Variants in CCDC91 observed in about 807,000 individuals in gnomAD.
CCDC91 encodes coiled-coil domain containing 91.
In CCDC91, 48 loss-of-function variants were observed where a neutral mutation model predicts 63.2. The observed-to-expected ratio is 0.76, with a 90% CI of 0.60 to 0.97. The LOEUF (loss-of-function observed/expected upper bound fraction) is 0.97, where lower values mean the gene tolerates loss of function less well. Among genes scored for constraint, CCDC91 ranks in the 50% least tolerant of loss-of-function variants. The probability of loss-of-function intolerance (pLI) is 0.00; values close to 1 mark genes in which losing one functional copy is unlikely to be tolerated. For synonymous variants in CCDC91, 167 were observed against 165.8 expected (o/e 1.01, Z -0.06); for missense variants, 500 against 494.6 (o/e 1.01, Z -0.10).
chr12:28,422,602 TA>T (rs1948076956), intron 8 of CCDC91, among the ~76,000 whole-genome samples: 1 of 152,094 alleles, frequency 6.6e-6, no homozygotes, highest in Admixed American at 6.6e-5. Context: ...TGTATATAGT[TA>T]TATGTTAGCA....
chr12:28,285,097 AT>A (rs964015788), intron 3 of CCDC91, among the ~76,000 whole-genome samples: 23 of 152,096 alleles, frequency 1.5e-4, no homozygotes, highest in East Asian at 1.2e-3. Context: ...GCAATACTTG[AT>A]TTTTTTTAGA....
intron 12 of CCDC91, among the ~76,000 whole-genome samples, chr12:28,508,683 C>T (rs1939025307): frequency 6.6e-6 from 1 of 151,868 alleles, no homozygotes; most frequent in African/African-American, 2.4e-5. Context: ...TAATGAAACT[C>T]ATTCTACTGT....
At chr12:28,459,057 T>G (rs1950187792) in intron 11 of CCDC91, among the ~76,000 whole-genome samples, 2 of 152,176 alleles carry the variant, frequency 1.3e-5, no homozygotes, top group South Asian at 4.1e-4. Flanking sequence ...CTGTTTCACA[T>G]TTCATGCTTT....
chr12:28,407,750 C>A (rs1023853499), intron 8 of CCDC91, among the ~76,000 whole-genome samples: 3 of 152,020 alleles, frequency 2.0e-5, no homozygotes, highest in African/African-American at 7.2e-5. Context: ...TTATTTAGGT[C>A]TTCCTTAATT....
chr12:28,454,818 G>A (rs1253827007), intron 11 of CCDC91, among the ~76,000 whole-genome samples: 1 of 152,080 alleles, frequency 6.6e-6, no homozygotes, highest in Non-Finnish European at 1.5e-5. Context: ...TGTGGTGAGA[G>A]TTAGGTCTTG....
At chr12:28,532,455 A>G (rs1247276999) in intron 12 of CCDC91, among the ~76,000 whole-genome samples, 4 of 152,128 alleles carry the variant, frequency 2.6e-5, no homozygotes, top group Non-Finnish European at 5.9e-5. Flanking sequence ...ATATCTATAT[A>G]TATTTCAGAG....
chr12:28,507,175 G>T (rs1279150892), intron 12 of CCDC91, among the ~76,000 whole-genome samples: 1 of 151,942 alleles, frequency 6.6e-6, no homozygotes, highest in Non-Finnish European at 1.5e-5. Flanking sequence ...AAAACTTCCA[G>T]TGTTCTCCAG....
chr12:28,503,931 G>A (rs1938337783), intron 12 of CCDC91, among the ~76,000 whole-genome samples: 2 of 151,068 alleles, frequency 1.3e-5, no homozygotes, highest in Admixed American at 1.3e-4. Flanking sequence ...TCTGGGGACT[G>A]TTGTGGGGTG....
At chr12:28,509,131 C>A (rs1295002929) in intron 12 of CCDC91, among the ~76,000 whole-genome samples, 2 of 151,924 alleles carry the variant, frequency 1.3e-5, no homozygotes, top group Admixed American at 6.6e-5. Flanking sequence ...TGTGTCTTAG[C>A]ATCCTCTCAT....
At chr12:28,319,105 A>C (rs1397326373) in intron 6 of CCDC91, among the ~76,000 whole-genome samples, 2 of 152,002 alleles carry the variant, frequency 1.3e-5, no homozygotes, top group East Asian at 3.9e-4. Flanking sequence ...ATGTTTTTTA[A>C]GGTATTTAGA....
chr12:28,305,280 A>G (rs1299647315), intron 3 of CCDC91, among the ~76,000 whole-genome samples: 1 of 152,064 alleles, frequency 6.6e-6, no homozygotes, highest in African/African-American at 2.4e-5. Flanking sequence ...CTTTTTAAAA[A>G]AATTAAATGG....
intron 11 of CCDC91, among the ~76,000 whole-genome samples, chr12:28,459,859 A>G (rs1950223172): frequency 6.6e-6 from 1 of 152,166 alleles, no homozygotes. Flanking sequence ...TAAAAGACAC[A>G]TTTCCAAATC....
At chr12:28,194,568 C>T (rs1482361828) in intron 1 of CCDC91, among the ~76,000 whole-genome samples, 5 of 151,908 alleles carry the variant, frequency 3.3e-5, no homozygotes, top group African/African-American at 4.9e-5. Context: ...GTGGCGCATC[C>T]GAAATTGTTC....
At chr12:28,422,311 T>G (rs1662351296) in intron 8 of CCDC91, among the ~76,000 whole-genome samples, 1 of 152,122 alleles carries the variant, frequency 6.6e-6, no homozygotes, top group Non-Finnish European at 1.5e-5. Flanking sequence ...CATACTAATA[T>G]TTATATGGGT....
At chr12:28,438,228 G>A (rs75431547) in intron 8 of CCDC91, among the ~76,000 whole-genome samples, 1,916 of 152,108 alleles carry the variant, frequency 0.013, 48 homozygotes, top group African/African-American at 0.044. Context: ...CCATATCTCC[G>A]GTAGTAAGAG....
intron 12 of CCDC91, among the ~76,000 whole-genome samples, chr12:28,484,532 G>A (rs1420978291): frequency 6.6e-6 from 1 of 151,954 alleles, no homozygotes; most frequent in Admixed American, 6.6e-5. Flanking sequence ...TAAGCTTTCT[G>A]ACTGTATTAA....
intron 1 of CCDC91, among the ~76,000 whole-genome samples, chr12:28,192,366 A>T (rs781087949): frequency 2.0e-5 from 3 of 152,146 alleles, no homozygotes; most frequent in Admixed American, 2.0e-4. Context: ...AGTAGAGTGG[A>T]TGGGTGGATA....
intron 3 of CCDC91, among the ~76,000 whole-genome samples, chr12:28,277,879 A>T (rs941283100): frequency 6.6e-6 from 1 of 151,996 alleles, no homozygotes; most frequent in Non-Finnish European, 1.5e-5. Flanking sequence ...GTGATCTGGT[A>T]GTAGCCAGAC....
At chr12:28,394,057 G>T (rs753941335) in intron 8 of CCDC91, among the ~76,000 whole-genome samples, 3 of 152,288 alleles carry the variant, frequency 2.0e-5, no homozygotes, top group Non-Finnish European at 2.9e-5. Context: ...TTAAAATGAC[G>T]TAACGAAATG....
Sources: gnomAD v4.1 joint callset for allele counts (sites outside exome capture counted in the v4.1 genomes callset) on GRCh38, gnomAD v4.1.1 for gene constraint, MANE v1.5 for transcripts, NCBI Gene and HGNC (gene_info 2026-07-23, HGNC 2026-07-21) for gene names.